Variants in NBPF26 observed in about 807,000 individuals in gnomAD.
The protein encoded by NBPF26 is NBPF family member NBPF26.
In NBPF26, 79 loss-of-function variants were observed where a neutral mutation model predicts 119.6. The ratio of observed to expected loss-of-function variants is 0.66; its 90% CI spans 0.55 to 0.80. NBPF26 has a LOEUF of 0.80. Ranked by LOEUF, NBPF26 falls within the 30% of genes least tolerant of loss-of-function variation. The pLI is 0.00. For synonymous variants in NBPF26, 299 were observed against 457.7 expected (o/e 0.65, Z 4.43); for missense variants, 800 against 1,198.2 (o/e 0.67, Z 4.91).
In NBPF26 at chr1:120,813,545, C is replaced by T. The variant is rs1373648764; in HGVS notation, c.1775-346C>T. Among the ~76,000 whole-genome samples the T allele has an allele frequency of 1.0e-4, 13 of 127,756 alleles. No individual in the cohort carries two copies. The East Asian group carries it at 2.6e-3, about 25-fold the overall frequency. 83.8% of individuals were successfully genotyped at this position (127,756 alleles called of 152,430 possible). On this transcript the variant is annotated intron_variant, in intron 10 of 29. Transcript: ENST00000620612. Reference sequence around the variant, plus strand: ...GTACAAGAAATCACTACTTCATGCCCCAGTGCAGTGTTTTAGAGGAGAGGC... The same window carrying T: ...GTACAAGAAATCACTACTTCATGCCTCAGTGCAGTGTTTTAGAGGAGAGGC...
At chr1:120,812,985 A>G (rs1305956851) in intron 10 of NBPF26, among the ~76,000 whole-genome samples, 1 of 119,064 alleles carries the variant, frequency 8.4e-6, no homozygotes, top group Non-Finnish European at 1.6e-5. Flanking sequence ...AAAAGCAGAG[A>G]GTAGCTTGGT....
chr1:120,763,998 C>G (rs2101410041), intron 2 of NBPF26, among the ~76,000 whole-genome samples: 1 of 114,616 alleles, frequency 8.7e-6, no homozygotes, highest in East Asian at 2.1e-4. Flanking sequence ...CTGGTAATCC[C>G]AGCACTTCAG....
chr1:120,816,895 C>T (rs1652019733), intron 14 of NBPF26, 68 bp downstream of exon 14: 1 of 1,438,360 alleles, frequency 7.0e-7, no homozygotes, highest in Non-Finnish European at 9.3e-7. Context: ...TGAAGACAGG[C>T]TCTATAAACA....
In NBPF26 at chr1:120,770,472, G is replaced by A. The variant is rs1377435915; in HGVS notation, c.155+6763G>A. Among the ~76,000 whole-genome samples the A allele has an allele frequency of 1.1e-4, 13 of 113,758 alleles. 5 individuals carry two copies. The South Asian group carries it at 2.3e-3, about 20-fold the overall frequency. 74.6% of individuals were successfully genotyped at this position (113,758 alleles called of 152,430 possible). On this transcript the variant is annotated intron_variant, in intron 2 of 29. Transcript: ENST00000620612. Reference sequence around the variant, plus strand: ...GCGTGAGCCACCACACCCAGCCGAGGACATAGGTTTTTTTATGCCAGATAG... The same window carrying A: ...GCGTGAGCCACCACACCCAGCCGAGAACATAGGTTTTTTTATGCCAGATAG...
At chr1:120,752,555 T>TATATATATATATA (rs1286857308) in intron 1 of NBPF26, among the ~76,000 whole-genome samples, 7 of 6,616 alleles carry the variant, frequency 1.1e-3, no homozygotes, top group Admixed American at 2.2e-3. Context: ...TATATATATA[T>TATATATATATATA]TTTTTTTTTT....
chr1:120,832,385 C>A (rs1303699447), intron 22 of NBPF26, among the ~76,000 whole-genome samples: 7 of 103,348 alleles, frequency 6.8e-5, no homozygotes, highest in Admixed American at 6.3e-4. Flanking sequence ...ACCTGTGGCG[C>A]CCTGATCCTG....
At chr1:120,809,342 G>A (rs1461939549) in intron 7 of NBPF26, among the ~76,000 whole-genome samples, 29 of 150,570 alleles carry the variant, frequency 1.9e-4, no homozygotes, top group South Asian at 4.2e-4. Flanking sequence ...CACTCCCCAT[G>A]GATAGAATGT....
intron 1 of NBPF26, among the ~76,000 whole-genome samples, chr1:120,759,776 A>C (rs1651113683): frequency 4.3e-5 from 5 of 116,012 alleles, no homozygotes. Flanking sequence ...TGCTAATACA[A>C]TGTAGAACAA....
At chr1:120,832,403 G>A (rs1183173844) in intron 22 of NBPF26, among the ~76,000 whole-genome samples, 1 of 102,860 alleles carries the variant, frequency 9.7e-6, no homozygotes, top group East Asian at 2.5e-4. Flanking sequence ...CTGTTCTCAT[G>A]ACATTGGACC....
rs2101454440 is a variant in NBPF26, at chr1:120,785,079, A to G, written c.261A>G (p.Lys87=). The change falls in exon 3 of 30, where the codon AAA becomes AAG. Residue 87 remains lysine, a synonymous_variant. Transcript: ENST00000620612. ...GTGTGGCCCAGGCCATGCTGGGGAA[A>G]GCCACGTGCCGGTGTGCCTCAGGGT... 9.0e-6 allele frequency: 13 copies of G among 1,446,192 alleles called. 1 individual carries two copies. The East Asian group carries it at 3.0e-4, about 34-fold the overall frequency. 89.6% of individuals were successfully genotyped at this position (1,446,192 alleles called of 1,614,324 possible). A position where few individuals can be genotyped will look rare whatever the true frequency, so the allele number is the denominator to read the frequency against.
Position 120,777,812 on chromosome 1 carries a change from C to T in NBPF26, c.156-7162C>T, listed in dbSNP as rs1417347331. Among the ~76,000 whole-genome samples, 284 of 109,366 alleles carry T rather than the reference C, an allele frequency of 2.6e-3. 60 individuals are homozygous for T. Among genetic ancestry groups the T allele is most frequent in the Non-Finnish European group, 3.9e-3 (227 of 58,426 alleles). 71.7% of individuals were successfully genotyped at this position (109,366 alleles called of 152,430 possible). A position where few individuals can be genotyped will look rare whatever the true frequency, so the allele number is the denominator to read the frequency against. On this transcript the variant is annotated intron_variant, in intron 2 of 29. Transcript: ENST00000620612. ...AAAACAAAGTTGGTAATTAGCATAA[C>T]CTAGTTAGTTACCTTTACACAGAGA...
At position 120,840,615 on chromosome 1, in the gene NBPF26, G is replaced by T; in HGVS notation, c.*22G>T. 6 of 1,458,744 alleles carry T rather than the reference G, an allele frequency of 4.1e-6. 1 individual carries two copies. The highest frequency in any genetic ancestry group is 5.5e-6 in the Non-Finnish European group (6 of 1,084,322). 90.4% of individuals were successfully genotyped at this position (1,458,744 alleles called of 1,614,324 possible). On this transcript the variant is annotated 3_prime_UTR_variant, in exon 30 of 30. Transcript: ENST00000620612. ...ATAAGCAGCCCTTACTAAGCCGAGA[G>T]GTGTCATTCCTGCAGGCAGGACCTA...
chr1:120,730,537 C>G (rs1459114633), intron 1 of NBPF26, among the ~76,000 whole-genome samples: 1 of 102,076 alleles, frequency 9.8e-6, no homozygotes, highest in Non-Finnish European at 1.8e-5. Context: ...TGAGACGGGA[C>G]AAACTGCATC....
At chr1:120,819,000 TG>T (rs1324163276) in intron 15 of NBPF26, among the ~76,000 whole-genome samples, 1 of 111,830 alleles carries the variant, frequency 8.9e-6, no homozygotes, top group Non-Finnish European at 1.8e-5. Flanking sequence ...TAGGTCTGCT[TG>T]GTGGAGAGCT....
chr1:120,810,043 G>A (rs1211690385), intron 8 of NBPF26, among the ~76,000 whole-genome samples, 160 bp downstream of exon 8: 16 of 134,222 alleles, frequency 1.2e-4, no homozygotes, highest in South Asian at 4.4e-4. Context: ...GGCAGCTGTC[G>A]TGTTTCTCTA....
rs1386909882 is a variant in NBPF26, at chr1:120,784,270, G to A, written c.156-704G>A. 5.1e-5 allele frequency among the ~76,000 whole-genome samples: 6 copies of A among 118,086 alleles called. 2 individuals carry two copies. The highest frequency in any genetic ancestry group is 2.4e-4 in the South Asian group (1 of 4,090). 77.5% of individuals were successfully genotyped at this position (118,086 alleles called of 152,430 possible). ...AAGCAAATATATGGTTCTGTACACC[G>A]GCTTTAGGAGAGTAAGTCTGTTGTA... On this transcript the variant is annotated intron_variant, in intron 2 of 29. Coordinates refer to ENST00000620612, the Ensembl canonical transcript of NBPF26.
In NBPF26 at chr1:120,768,549, G is replaced by A. The variant is rs1226515762; in HGVS notation, c.155+4840G>A. Among the ~76,000 whole-genome samples the A allele has an allele frequency of 6.8e-4, 74 of 108,490 alleles. 4 individuals carry two copies. The South Asian group carries it at 0.016, about 24-fold the overall frequency. The allele number at this position is 108,490 out of a possible 152,430, so 71.2% of individuals were successfully genotyped here. A position where few individuals can be genotyped will look rare whatever the true frequency, so the allele number is the denominator to read the frequency against. ...GACTCCTCAGTATCACAGGACTTCC[G>A]TTTTCTGCTTGCACACTCTTCCTCT... On this transcript the variant is annotated intron_variant, in intron 2 of 29. Transcript: ENST00000620612.
intron 18 of NBPF26, among the ~76,000 whole-genome samples, 38 bp from the exon 20 acceptor site, chr1:120,825,476 C>T (rs1201837723): frequency 5.7e-4 from 67 of 117,642 alleles, no homozygotes; most frequent in Non-Finnish European, 9.1e-4. Context: ...GTTTCTGATT[C>T]CCCCTGGCTT....
intron 1 of NBPF26, among the ~76,000 whole-genome samples, chr1:120,752,555 T>TATATATA (rs1286857308): frequency 2.0e-3 from 13 of 6,608 alleles, no homozygotes; most frequent in African/African-American, 0.014. Flanking sequence ...TATATATATA[T>TATATATA]TTTTTTTTTT....
Sources: gnomAD v4.1 joint callset for allele counts (sites outside exome capture counted in the v4.1 genomes callset) on GRCh38, gnomAD v4.1.1 for gene constraint, MANE v1.5 for transcripts, NCBI Gene and HGNC (gene_info 2026-07-23, HGNC 2026-07-21) for gene names.